The following TP63 variants were observed in gnomAD, a reference collection of about 807,000 sequenced individuals.
The protein encoded by TP63 is tumor protein p63, also known as tumor protein 63.
In TP63, 17 loss-of-function variants were observed where a neutral mutation model predicts 82.8. The ratio of observed to expected loss-of-function variants is 0.21; its 90% CI spans 0.14 to 0.31. The LOEUF is 0.31. Ranked by LOEUF, TP63 falls within the 10% of genes least tolerant of loss-of-function variation. The pLI, the probability that TP63 is intolerant of heterozygous loss-of-function variation, is 1.00. For synonymous variants in TP63, 330 were observed against 321.7 expected (o/e 1.03, Z -0.28); for missense variants, 648 against 895.3 (o/e 0.72, Z 3.52).
intron 1 of TP63, among the ~76,000 whole-genome samples, chr3:189,734,544 G>T (rs141198957): frequency 6.6e-6 from 1 of 152,186 alleles, no homozygotes; most frequent in Admixed American, 6.5e-5. Context: ...AACTGTGTAG[G>T]TTGGGAGATG....
chr3:189,740,436 G>T (rs750548131), intron 3 of TP63, among the ~76,000 whole-genome samples: 3 of 151,978 alleles, frequency 2.0e-5, no homozygotes, highest in East Asian at 1.9e-4. Context: ...AGTTAAAGAA[G>T]TTAAAAAATG....
chr3:189,733,784 T>G (rs968405056), intron 1 of TP63, among the ~76,000 whole-genome samples: 2 of 152,222 alleles, frequency 1.3e-5, no homozygotes, highest in Admixed American at 6.5e-5. Flanking sequence ...TATCAACTTT[T>G]ACTTCTTCTC....
chr3:189,835,821 G>A (rs572382707), intron 4 of TP63, among the ~76,000 whole-genome samples: 1 of 151,900 alleles, frequency 6.6e-6, no homozygotes, highest in Non-Finnish European at 1.5e-5. Flanking sequence ...GGCTGAGGTA[G>A]GAGAATCACT....
At chr3:189,668,629 A>C (rs996190343) in intron 1 of TP63, among the ~76,000 whole-genome samples, 5 of 152,142 alleles carry the variant, frequency 3.3e-5, no homozygotes, top group African/African-American at 1.2e-4. Context: ...TAGCAACTCA[A>C]GCATACAGGA....
intron 3 of TP63, among the ~76,000 whole-genome samples, chr3:189,807,077 A>G (rs1726993811): frequency 6.6e-6 from 1 of 151,522 alleles, no homozygotes; most frequent in Non-Finnish European, 1.5e-5. Context: ...CTTGCTTTTG[A>G]TTTTTTTTTC....
chr3:189,610,622 T>C, the TP63 span, among the ~76,000 whole-genome samples: 15 of 152,318 alleles, frequency 9.8e-5, no homozygotes, highest in East Asian at 2.9e-3. Context: ...GTTCCAAACT[T>C]TCCCACATTT....
At chr3:189,729,743 A>G (rs886373858) in intron 1 of TP63, among the ~76,000 whole-genome samples, 5 of 151,420 alleles carry the variant, frequency 3.3e-5, no homozygotes, top group African/African-American at 1.2e-4. Context: ...CCATCTAAGG[A>G]AAAAAAAAGA....
At chr3:189,869,126 A>G (rs568580302) in intron 8 of TP63, among the ~76,000 whole-genome samples, 198 bp from the exon 9 acceptor site, 1 of 152,220 alleles carries the variant, frequency 6.6e-6, no homozygotes, top group African/African-American at 2.4e-5. Flanking sequence ...ATCACAATCA[A>G]TGTAAAAACA....
intron 1 of TP63, among the ~76,000 whole-genome samples, chr3:189,666,916 G>T (rs1029543270): frequency 2.0e-5 from 3 of 151,288 alleles, no homozygotes; most frequent in African/African-American, 7.3e-5. Context: ...TTAAATGACA[G>T]TAGAGGAACT....
chr3:189,886,845 C>T (rs1720498389), intron 11 of TP63, among the ~76,000 whole-genome samples: 1 of 152,132 alleles, frequency 6.6e-6, no homozygotes, highest in African/African-American at 2.4e-5. Flanking sequence ...TCACCACCTG[C>T]AGCCTTTGAA....
chr3:189,789,047 C>T (rs9844460), intron 3 of TP63, among the ~76,000 whole-genome samples: 2,512 of 151,610 alleles, frequency 0.017, 66 homozygotes, highest in African/African-American at 0.057. Flanking sequence ...GGTGGTTTAA[C>T]TTGTTATTGA....
In TP63 at chr3:189,887,144, G is replaced by A. The variant is rs368968891; in HGVS notation, c.1507+593G>A. Among the ~76,000 whole-genome samples, 14 of 151,472 alleles carry A rather than the reference G, an allele frequency of 9.2e-5. 1 individual carries two copies. The East Asian group carries it at 1.9e-3, about 21-fold the overall frequency. ...AAATCACTTGAACCCGGGAGGCAGA[G>A]GTTGCAGTAAGGTGAGATCACACTG... is the stretch of plus-strand genomic sequence containing the variant. On this transcript the variant is annotated intron_variant, in intron 11 of 13. Transcript: ENST00000264731.
intron 1 of TP63, among the ~76,000 whole-genome samples, chr3:189,718,018 C>T (rs1005740545): frequency 2.6e-5 from 4 of 152,128 alleles, no homozygotes; most frequent in African/African-American, 9.7e-5. Context: ...AGAGAATGCG[C>T]TGATGGAGGA....
At chr3:189,847,731 A>C (rs1407816771) in intron 4 of TP63, among the ~76,000 whole-genome samples, 1 of 152,192 alleles carries the variant, frequency 6.6e-6, no homozygotes, top group Non-Finnish European at 1.5e-5. Flanking sequence ...TGATTCTTAA[A>C]GCAATGAGTG....
intron 1 of TP63, among the ~76,000 whole-genome samples, chr3:189,680,085 T>C (rs1334304389): frequency 6.6e-6 from 1 of 152,180 alleles, no homozygotes; most frequent in Non-Finnish European, 1.5e-5. Flanking sequence ...TTGGGCTCTT[T>C]TGTGGTTTCA....
intron 10 of TP63, chr3:189,881,567 G>A (rs572629221): frequency 2.1e-6 from 2 of 963,252 alleles, no homozygotes; most frequent in East Asian, 1.1e-4. Context: ...TCATGTAAGT[G>A]CTTGAAGTAG....
intron 10 of TP63, among the ~76,000 whole-genome samples, chr3:189,875,716 G>T (rs372495140): frequency 7.0e-6 from 1 of 143,130 alleles, no homozygotes; most frequent in East Asian, 2.1e-4. Context: ...GCTTCTTGAG[G>T]CTCCAATTTT....
intron 1 of TP63, among the ~76,000 whole-genome samples, chr3:189,695,816 T>G (rs1717333861): frequency 6.6e-6 from 1 of 152,216 alleles, no homozygotes; most frequent in Non-Finnish European, 1.5e-5. Context: ...TCAGAATTGT[T>G]AAAATGTAGC....
intron 4 of TP63, among the ~76,000 whole-genome samples, chr3:189,858,793 G>T (rs545820699): frequency 6.6e-6 from 1 of 152,144 alleles, no homozygotes; most frequent in South Asian, 2.1e-4. Flanking sequence ...AATAAAAAAA[G>T]AAATCCTGAT....
Sources: gnomAD v4.1 joint callset for allele counts (sites outside exome capture counted in the v4.1 genomes callset) on GRCh38, gnomAD v4.1.1 for gene constraint, MANE v1.5 for transcripts, NCBI Gene and HGNC (gene_info 2026-07-23, HGNC 2026-07-21) for gene names.